The following PRDM7 variants were observed in gnomAD, a reference collection of about 807,000 sequenced individuals.
PRDM7 encodes histone-lysine N-methyltransferase PRDM7.
A neutral mutation model predicts 64.3 loss-of-function variants in PRDM7; 52 were observed. That is an observed-to-expected ratio of 0.81 (90% CI 0.65 to 1.02). The LOEUF is 1.02. Ranked by LOEUF, PRDM7 falls within the 50% of genes least tolerant of loss-of-function variation. The pLI is 0.00. For synonymous variants in PRDM7, 192 were observed against 210.1 expected, an observed-to-expected ratio of 0.91 and a Z score of 0.74; for missense variants, 574 against 597.1, an observed-to-expected ratio of 0.96 and a Z score of 0.40.
At position 90,060,675 on chromosome 16, in the gene PRDM7, G is replaced by A. The variant is rs997758351; in HGVS notation, c.951-52C>T. ...GAAAGAGGCAGTGAGTTCCCTCCAGGCAGGATGACTACAATGCTCATCCTG... is the reference window on the plus strand; with the variant it reads ...GAAAGAGGCAGTGAGTTCCCTCCAGACAGGATGACTACAATGCTCATCCTG... On this transcript the variant is annotated intron_variant, in intron 9 of 10. Transcript: ENST00000449207. 11 of 1,598,542 alleles carry A rather than the reference G, an allele frequency of 6.9e-6. No individual in the cohort carries two copies. The African/African-American group carries it at 1.2e-4, about 18-fold the overall frequency.
At position 90,060,378 on chromosome 16, in the gene PRDM7, C is replaced by T. The variant is rs1264096870; in HGVS notation, c.1196G>A (p.Gly399Glu). Residue 399 changes from glycine to glutamate, a missense_variant, in exon 10 of 11, where the codon GGG (glycine) becomes GAG (glutamate). By Grantham distance (98) the Gly-to-Glu change is moderately conservative. Coordinates refer to ENST00000449207, the MANE Select transcript of PRDM7 (RefSeq NM_001098173.2). ...TGAGCTCTTTCTTCCACTTGCTGCC[C>T]CACTTGATGCCCAGTTCCTGGCCAT... ...MSMARNWASS[G>E]AASGRKSSWQ... The T allele has an allele frequency of 5.6e-6, 9 of 1,613,832 alleles. No homozygotes were observed. The highest frequency in any genetic ancestry group is 6.8e-6 in the Non-Finnish European group (8 of 1,179,886).
Position 90,061,466 on chromosome 16 carries a change from C to T in PRDM7, c.936G>A (p.Ser312=), listed in dbSNP as rs144590171. 155 of 1,603,682 alleles carry T rather than the reference C, an allele frequency of 9.7e-5. No homozygotes were observed. Among genetic ancestry groups the T allele is most frequent in the Non-Finnish European group, 1.2e-4 (144 of 1,170,676 alleles). Residue 312 remains serine, a synonymous_variant, in exon 9 of 11, where the codon TCG becomes TCA. Coordinates refer to ENST00000449207, the MANE Select transcript of PRDM7 (RefSeq NM_001098173.2). ...AGTGGCCTTACCTCATCCAGTTGGC[C>T]GAGGATTTATCTTTTCCATCCACAT... ...YEYVDGKDKS[S]ANWMRYVNCA... is the part of the protein sequence containing the mutation.
chr16:90,073,814 A>G (rs972550211), intron 4 of PRDM7, among the ~76,000 whole-genome samples: 2 of 150,690 alleles, frequency 1.3e-5, no homozygotes, highest in Non-Finnish European at 3.0e-5. Flanking sequence ...GAGTCTTCTC[A>G]TTCTGTTGCC....
At position 90,060,637 on chromosome 16, in the gene PRDM7, A is replaced by G; in HGVS notation, c.951-14T>C. 6.2e-7 allele frequency: 1 copy of G among 1,613,858 alleles called. No individual in the cohort carries two copies. Among genetic ancestry groups the G allele is most frequent in the East Asian group, 2.2e-5 (1 of 44,884 alleles). ...CAGTTCACATACCTGGGGTCAAGGC[A>G]GGCAAAGGGAAAGAAAGAGGCAGTG... On this transcript the variant is annotated splice_polypyrimidine_tract_variant and intron_variant, in intron 9 of 10. Coordinates refer to ENST00000449207, the MANE Select transcript of PRDM7 (RefSeq NM_001098173.2).
intron 1 of PRDM7, among the ~76,000 whole-genome samples, chr16:90,076,961 G>A (rs1364599485): frequency 6.6e-6 from 1 of 152,074 alleles, no homozygotes; most frequent in African/African-American, 2.4e-5. Flanking sequence ...TATTTGGGGT[G>A]CCTTAGGGTG....
In PRDM7 at chr16:90,075,819, G is replaced by A. The variant is rs368964927; in HGVS notation, c.69+23C>T. 4.3e-6 allele frequency: 7 copies of A among 1,611,188 alleles called. No homozygotes were observed. Among genetic ancestry groups the A allele is most frequent in the Non-Finnish European group, 5.1e-6 (6 of 1,178,280 alleles). The stretch of plus-strand genomic sequence containing the variant: ...GAGATCAGCTCCTGCTGGGAGTCTG[G>A]CTTCGCCTCCCCGACTTCTCACCAT... On this transcript the variant is annotated intron_variant, in intron 2 of 10. Coordinates refer to ENST00000449207, the MANE Select transcript of PRDM7 (RefSeq NM_001098173.2). The surrounding 1 kb of genome is among the most constrained non-coding windows in gnomAD (Gnocchi z 4.3).
intron 4 of PRDM7, among the ~76,000 whole-genome samples, chr16:90,073,321 T>G (rs1382444867): frequency 3.3e-5 from 5 of 152,138 alleles, no homozygotes; most frequent in Non-Finnish European, 7.4e-5. Context: ...TGCAGTTTAA[T>G]TGTTTTCTTT....
At chr16:90,068,055 A>C (rs1189511471) in intron 4 of PRDM7, among the ~76,000 whole-genome samples, 4 of 151,154 alleles carry the variant, frequency 2.6e-5, no homozygotes. Flanking sequence ...AAGGCATCCA[A>C]ATGGAAAGGA....
In PRDM7 at chr16:90,075,134, G is replaced by T. The variant is rs1366900833; in HGVS notation, c.194-111C>A. ...CCAGTGCTGCTCAGTCTGATGAGCT[G>T]GGAGAGTCTTGAACAAGGTCAAGAT... On this transcript the variant is annotated intron_variant, in intron 3 of 10. Transcript: ENST00000449207. This position sits in a 1 kb window ranked among gnomAD's most constrained non-coding sequence, Gnocchi z 4.3. The T allele has an allele frequency of 7.4e-7, 1 of 1,359,620 alleles. No individual in the cohort carries two copies. Among genetic ancestry groups the T allele is most frequent in the Non-Finnish European group, 1.0e-6 (1 of 963,566 alleles). The allele number at this position is 1,359,620 out of a possible 1,614,324, so 84.2% of individuals were successfully genotyped here. A position where few individuals can be genotyped will look rare whatever the true frequency, so the allele number is the denominator to read the frequency against.
intron 6 of PRDM7, among the ~76,000 whole-genome samples, chr16:90,062,912 G>A (rs377294535): frequency 2.0e-5 from 3 of 152,114 alleles, no homozygotes; most frequent in African/African-American, 4.8e-5. Flanking sequence ...ATGTAGAAAC[G>A]CACAAAAGAA....
At position 90,076,011 on chromosome 16, in the gene PRDM7, G is replaced by A; in HGVS notation, c.-85-16C>T. The A allele has an allele frequency of 7.4e-7, 1 of 1,358,972 alleles. No individual in the cohort carries two copies. The highest frequency in any genetic ancestry group is 1.0e-6 in the Non-Finnish European group (1 of 972,198). The allele number at this position is 1,358,972 out of a possible 1,614,324, so 84.2% of individuals were successfully genotyped here. On this transcript the variant is annotated splice_polypyrimidine_tract_variant and intron_variant, in intron 1 of 10. Transcript: ENST00000449207. ...CCAAAGGCTCCTGTGGAAGGAGAAG[G>A]TGCTGAGATGGGGCAACAGCCCTGA...
In PRDM7 at chr16:90,061,512, T is replaced by C; in HGVS notation, c.890A>G (p.Lys297Arg). The change falls in exon 9 of 11, where the codon AAG (lysine) becomes AGG (arginine). Residue 297 changes from lysine to arginine, a missense_variant. Physicochemically the swap from Lys to Arg is conservative, Grantham distance 26. Transcript: ENST00000449207. ...ANSGYSWLIT[K>R]GRNCYEYVDG... is the part of the protein sequence containing the mutation. ...CACATACTCATAGCAGTTTCTCCCC[T>C]TGGTGATCTGAGTTTCAAAAAATAA... 6.2e-7 allele frequency: 1 copy of C among 1,603,428 alleles called. No individual in the cohort carries two copies. The highest frequency in any genetic ancestry group is 1.3e-5 in the African/African-American group (1 of 74,830).
chr16:90,066,075 A>G (rs1285168780), intron 5 of PRDM7, among the ~76,000 whole-genome samples: 1 of 151,414 alleles, frequency 6.6e-6, no homozygotes, highest in African/African-American at 2.5e-5. Flanking sequence ...TGCCTTCTAC[A>G]GGAATGAGCA....
rs2037696027 is a variant in PRDM7, at chr16:90,057,017, T to C, written c.*1272A>G. The stretch of plus-strand genomic sequence containing the variant: ...GTCTGTCTCTCTTCTCTCAGAGTAT[T>C]CAATTTCCTTAGGATTTTGAGCGTT... On this transcript the variant is annotated 3_prime_UTR_variant, in exon 11 of 11. Coordinates refer to ENST00000449207, the MANE Select transcript of PRDM7 (RefSeq NM_001098173.2). The C allele has an allele frequency of 6.6e-6, 1 of 152,210 alleles. No individual in the cohort carries two copies. The highest frequency in any genetic ancestry group is 1.5e-5 in the Non-Finnish European group (1 of 68,044). 9.4% of individuals were successfully genotyped at this position (152,210 alleles called of 1,614,324 possible).
intron 10 of PRDM7, among the ~76,000 whole-genome samples, chr16:90,059,814 C>G (rs1488531027): frequency 6.6e-6 from 1 of 152,250 alleles, no homozygotes; most frequent in Non-Finnish European, 1.5e-5. Flanking sequence ...TCTGATATTA[C>G]ACATATGTCT....
chr16:90,076,018 G>A, intron 1 of PRDM7, 23 bp from the exon 2 acceptor site: 10 of 1,301,392 alleles, frequency 7.7e-6, no homozygotes, highest in Non-Finnish European at 1.1e-5. Context: ...AAGGTGCTGA[G>A]ATGGGGCAAC....
Position 90,075,234 on chromosome 16 carries a change from T to C in PRDM7, c.193+117A>G. 1 of 1,559,372 alleles carries C rather than the reference T, an allele frequency of 6.4e-7. No individual in the cohort carries two copies. Among genetic ancestry groups the C allele is most frequent in the Non-Finnish European group, 8.8e-7 (1 of 1,134,802 alleles). Reference sequence around the variant, plus strand: ...AGAACAATATTTCCCTCCAGATTTGTCTCCGTGCAAAAGGGAATTGTGGGC... The same window carrying C: ...AGAACAATATTTCCCTCCAGATTTGCCTCCGTGCAAAAGGGAATTGTGGGC... On this transcript the variant is annotated intron_variant, in intron 3 of 10. Coordinates refer to ENST00000449207, the MANE Select transcript of PRDM7 (RefSeq NM_001098173.2). The surrounding 1 kb of genome is among the most constrained non-coding windows in gnomAD (Gnocchi z 4.3).
rs749132264 is a variant in PRDM7 at position 90,060,427 on chromosome 16, A to C, written c.1147T>G (p.Cys383Gly). 7.4e-6 allele frequency: 12 copies of C among 1,613,644 alleles called. No homozygotes were observed. In the East Asian group the frequency reaches 2.7e-4, roughly 36 times the overall value. ...ATACTCATCCCCATACCAGACCAGCAGTTCACAGCCTGGCCTAATGACTCG... is the reference window on the plus strand; with the variant it reads ...ATACTCATCCCCATACCAGACCAGCCGTTCACAGCCTGGCCTAATGACTCG... Reference protein sequence around the residue: ...PAESLGQAVNCWSGMGMSMAR... With the variant: ...PAESLGQAVNGWSGMGMSMAR... The change falls in exon 10 of 11, where the codon TGC becomes GGC. Residue 383 changes from cysteine to glycine, a missense_variant. Transcript: ENST00000449207.
In PRDM7 at chr16:90,075,603, C is replaced by G. The variant is rs965685666; in HGVS notation, c.70-129G>C. On this transcript the variant is annotated intron_variant, in intron 2 of 10. Transcript: ENST00000449207. The surrounding 1 kb of genome is among the most constrained non-coding windows in gnomAD (Gnocchi z 4.3). Reference sequence around the variant, plus strand: ...TCTGTGAAACATAAAGACCTTCCCTCCTTCTCCAGATTGTGTCCTGTTTAA... The same window carrying G: ...TCTGTGAAACATAAAGACCTTCCCTGCTTCTCCAGATTGTGTCCTGTTTAA... 2 of 1,496,488 alleles carry G rather than the reference C, an allele frequency of 1.3e-6. No homozygotes were observed. Among genetic ancestry groups the G allele is most frequent in the African/African-American group, 2.8e-5 (2 of 72,286 alleles). The allele number at this position is 1,496,488 out of a possible 1,614,324, so 92.7% of individuals were successfully genotyped here.
Sources: allele counts gnomAD v4.1 joint callset (sites outside exome capture counted in the v4.1 genomes callset), GRCh38; gene constraint gnomAD v4.1.1; non-coding constraint Gnocchi (gnomAD v3.1); transcripts MANE v1.5; gene names NCBI Gene and HGNC (gene_info 2026-07-23, HGNC 2026-07-21).